The following PDE10A variants were observed in gnomAD, a reference collection of about 807,000 sequenced individuals.
PDE10A encodes the protein cAMP and cAMP-inhibited cGMP 3',5'-cyclic phosphodiesterase 10A.
Under a neutral mutation model 97.7 loss-of-function variants are expected in PDE10A, and 39 were observed. The observed-to-expected ratio is 0.40, with a 90% CI of 0.31 to 0.52. The LOEUF (loss-of-function observed/expected upper bound fraction) is 0.52, where lower values mean the gene tolerates loss of function less well. PDE10A is among the 20% of genes least tolerant of loss of function. The pLI is 0.56. For missense variants in PDE10A, 731 were observed against 1,047.8 expected, an observed-to-expected ratio of 0.70 and a Z score of 4.17; for synonymous variants, 371 against 376.8, an observed-to-expected ratio of 0.98 and a Z score of 0.18.
chr6:165,793,792 T>C (rs1311206421), intron 1 of PDE10A, among the ~76,000 whole-genome samples: 1 of 152,202 alleles, frequency 6.6e-6, no homozygotes, highest in Non-Finnish European at 1.5e-5. Context: ...CAGACCATCT[T>C]ACAAAGATTT....
chr6:165,562,997 G>C (rs1784595208), intron 1 of PDE10A, among the ~76,000 whole-genome samples: 1 of 151,974 alleles, frequency 6.6e-6, no homozygotes, highest in Admixed American at 6.6e-5. Flanking sequence ...AAGCATCAAC[G>C]GTGCTCACGT....
At chr6:165,847,508 T>C (rs951947797) in intron 1 of PDE10A, among the ~76,000 whole-genome samples, 1 of 152,242 alleles carries the variant, frequency 6.6e-6, no homozygotes, top group African/African-American at 2.4e-5. Context: ...ATTGCAAACA[T>C]GTTAGCATAG....
chr6:165,912,450 G>A (rs1356419144), intron 1 of PDE10A, among the ~76,000 whole-genome samples: 2 of 152,176 alleles, frequency 1.3e-5, no homozygotes, highest in Non-Finnish European at 2.9e-5. Flanking sequence ...ACAAGGCAAC[G>A]CTCCACCTTC....
intron 1 of PDE10A, among the ~76,000 whole-genome samples, chr6:165,829,741 G>A (rs965976156): frequency 6.6e-6 from 1 of 152,184 alleles, no homozygotes; most frequent in African/African-American, 2.4e-5. Flanking sequence ...TTCCTCTGCT[G>A]GCTGACCTGA....
intron 1 of PDE10A, among the ~76,000 whole-genome samples, chr6:165,958,733 AAGAAAGAAAGAAAG>A (rs1439494526): frequency 0.022 from 313 of 14,218 alleles, 9 homozygotes; most frequent in East Asian, 0.12. Context: ...GAAAGAAAGA[AAGAAAGAAAGAAAG>A]AGAAAGAAAG....
chr6:165,497,205 C>T lies in PDE10A; in HGVS notation c.995-14862G>A, dbSNP rs192420940. 1.3e-4 allele frequency among the ~76,000 whole-genome samples: 20 copies of T among 152,280 alleles called. No individual in the cohort carries two copies. The East Asian group carries it at 1.9e-3, about 15-fold the overall frequency. Reference sequence around the variant, plus strand: ...GATTTTTAATAACTTGTTGTAATCACATTTTCTGACAATGTTGTAGTATAA... The same window carrying T: ...GATTTTTAATAACTTGTTGTAATCATATTTTCTGACAATGTTGTAGTATAA... On this transcript the variant is annotated intron_variant, in intron 2 of 21. Transcript: ENST00000539869.
intron 1 of PDE10A, among the ~76,000 whole-genome samples, chr6:165,684,842 G>C (rs546396198): frequency 4.3e-4 from 65 of 152,240 alleles, no homozygotes; most frequent in African/African-American, 1.5e-3. Flanking sequence ...AATCTCCTCT[G>C]TCATGCACGG....
intron 1 of PDE10A, among the ~76,000 whole-genome samples, chr6:165,794,841 A>G (rs558227200): frequency 6.6e-6 from 1 of 152,254 alleles, no homozygotes; most frequent in Non-Finnish European, 1.5e-5. Flanking sequence ...AGTTGGGCGT[A>G]AGTAAAACTT....
At chr6:165,750,751 A>G (rs556768764) in intron 1 of PDE10A, among the ~76,000 whole-genome samples, 105 of 152,242 alleles carry the variant, frequency 6.9e-4, no homozygotes, top group Admixed American at 2.7e-3. Context: ...TTCAGACTCA[A>G]TCTTTTGACT....
chr6:165,665,717 A>T (rs144262688), upstream of PDE10A, among the ~76,000 whole-genome samples: 1 of 152,118 alleles, frequency 6.6e-6, no homozygotes, highest in African/African-American at 2.4e-5. Flanking sequence ...CTAAAAGAAT[A>T]TTAAGAGGGT....
At chr6:165,921,977 C>T (rs780775915) in intron 1 of PDE10A, among the ~76,000 whole-genome samples, 4 of 152,046 alleles carry the variant, frequency 2.6e-5, no homozygotes, top group African/African-American at 7.2e-5. Context: ...AGAAGCAAGC[C>T]GGGTGCATGA....
At chr6:165,421,920 C>A (rs942526530) in intron 10 of PDE10A, among the ~76,000 whole-genome samples, 2 of 151,944 alleles carry the variant, frequency 1.3e-5, no homozygotes, top group Admixed American at 6.6e-5. Flanking sequence ...AAATTAGCTG[C>A]GCATGGTGGC....
At chr6:165,354,812 A>C (rs536555) in intron 18 of PDE10A, among the ~76,000 whole-genome samples, 2 of 151,962 alleles carry the variant, frequency 1.3e-5, no homozygotes, top group Non-Finnish European at 2.9e-5. Context: ...ATAGCCATGA[A>C]GGCATTTCTA....
At chr6:165,731,242 T>C (rs1032108146) in intron 1 of PDE10A, among the ~76,000 whole-genome samples, 1 of 151,856 alleles carries the variant, frequency 6.6e-6, no homozygotes, top group Non-Finnish European at 1.5e-5. Context: ...AGACAAGGAA[T>C]CAGGAAACTC....
intron 1 of PDE10A, among the ~76,000 whole-genome samples, chr6:165,801,553 A>C (rs932230644): frequency 6.6e-6 from 1 of 152,202 alleles, no homozygotes; most frequent in East Asian, 1.9e-4. Context: ...TCAAGAAAAA[A>C]AAATTATCCA....
chr6:165,549,385 C>T (rs912490467), intron 1 of PDE10A, among the ~76,000 whole-genome samples: 2 of 152,128 alleles, frequency 1.3e-5, no homozygotes, highest in Non-Finnish European at 2.9e-5. Flanking sequence ...AGTGCAGTGG[C>T]GTGATCTCGG....
intron 3 of PDE10A, among the ~76,000 whole-genome samples, chr6:165,455,871 T>A (rs1487283160): frequency 6.6e-6 from 1 of 152,222 alleles, no homozygotes; most frequent in Non-Finnish European, 1.5e-5. Flanking sequence ...TCAGTTATTT[T>A]CTAGCTCCAG....
At chr6:165,892,003 G>A (rs931156508) in intron 1 of PDE10A, among the ~76,000 whole-genome samples, 3 of 151,432 alleles carry the variant, frequency 2.0e-5, no homozygotes, top group Non-Finnish European at 4.4e-5. Flanking sequence ...TTCACCCATC[G>A]GAAGTCCTAG....
At position 165,661,890 on chromosome 6, in the gene PDE10A, GC is replaced by G; in HGVS notation, c.865+56del. On this transcript the variant is annotated intron_variant, in intron 1 of 21. Transcript: ENST00000539869. This position sits in a 1 kb window ranked among gnomAD's most constrained non-coding sequence, Gnocchi z 4.8. ...ACCCAGCAGTCCAAGCCCCCCACCT[GC>G]CCCCAGGGGATGAGGAGCCGCCCCA... 1.3e-6 allele frequency: 1 copy of G among 751,464 alleles called. No homozygotes were observed. Among genetic ancestry groups the G allele is most frequent in the Non-Finnish European group, 2.3e-6 (1 of 431,794 alleles). The allele number at this position is 751,464 out of a possible 1,614,324, so 46.5% of individuals were successfully genotyped here. A position where few individuals can be genotyped will look rare whatever the true frequency, so the allele number is the denominator to read the frequency against.
Sources: gnomAD v4.1 joint callset for allele counts (sites outside exome capture counted in the v4.1 genomes callset) on GRCh38, gnomAD v4.1.1 for gene constraint, Gnocchi (gnomAD v3.1) non-coding constraint, MANE v1.5 for transcripts, NCBI Gene and HGNC (gene_info 2026-07-23, HGNC 2026-07-21) for gene names.